Variants in ARPP21 observed in about 807,000 individuals in gnomAD.
The protein encoded by ARPP21 is cAMP regulated phosphoprotein 21.
ARPP21 carries 69 observed loss-of-function variants against 113.2 expected under a neutral mutation model. That is an observed-to-expected ratio of 0.61 (90% CI 0.50 to 0.74). ARPP21 has a LOEUF of 0.74. Ranked by LOEUF, ARPP21 falls within the 30% of genes least tolerant of loss-of-function variation. The pLI is 0.00. For synonymous variants in ARPP21, 368 were observed against 375.5 expected (o/e 0.98, Z 0.23); for missense variants, 1,070 against 1,037.4 (o/e 1.03, Z -0.43).
At chr3:35,662,597 G>C (rs2149172339) in intron 1 of ARPP21, among the ~76,000 whole-genome samples, 1 of 152,270 alleles carries the variant, frequency 6.6e-6, no homozygotes, top group Middle Eastern at 3.4e-3. Flanking sequence ...AGAAAGCTCT[G>C]CCACTGGAAT....
intron 13 of ARPP21, among the ~76,000 whole-genome samples, chr3:35,718,223 A>T (rs905749978): frequency 6.6e-6 from 1 of 152,180 alleles, no homozygotes; most frequent in Non-Finnish European, 1.5e-5. Context: ...TATGAGTAAA[A>T]TTAATTTGTT....
chr3:35,715,942 A>G (rs1422928155), intron 12 of ARPP21: 1 of 152,470 alleles, frequency 6.6e-6, no homozygotes, highest in Non-Finnish European at 1.5e-5. Context: ...TTTATTCTAA[A>G]CAATCTATTT....
chr3:35,685,012 A>T (rs982303252), intron 5 of ARPP21: 2 of 984,782 alleles, frequency 2.0e-6, no homozygotes, highest in Non-Finnish European at 2.4e-6. Context: ...GGCTTATATT[A>T]TTAAATGTTG....
At chr3:35,723,304 C>A (rs2093273697) in intron 14 of ARPP21, among the ~76,000 whole-genome samples, 1 of 152,150 alleles carries the variant, frequency 6.6e-6, no homozygotes. Flanking sequence ...AGGTTGTTGA[C>A]AAATTCCTTC....
chr3:35,677,205 A>T (rs1353781181), intron 1 of ARPP21, among the ~76,000 whole-genome samples: 3 of 151,958 alleles, frequency 2.0e-5, no homozygotes, highest in Non-Finnish European at 4.4e-5. Flanking sequence ...GAACTAAATT[A>T]TTGCCGAAAT....
Position 35,659,160 on chromosome 3 carries a change from A to G in ARPP21, c.-213+18762A>G, listed in dbSNP as rs1246435890. On this transcript the variant is annotated intron_variant, in intron 1 of 20. Coordinates refer to ENST00000684406, the MANE Select transcript of ARPP21 (RefSeq NM_001385562.1). ...TAGATATGAAAACACGATGTCATCTATTCTTGCAACATTTTTTACACAGAC... is the reference window on the plus strand; with the variant it reads ...TAGATATGAAAACACGATGTCATCTGTTCTTGCAACATTTTTTACACAGAC... Among the ~76,000 whole-genome samples the G allele has an allele frequency of 2.0e-5, 3 of 152,184 alleles. No homozygotes were observed. In the East Asian group the frequency reaches 5.8e-4, roughly 29 times the overall value.
At chr3:35,769,825 A>C (rs2096131583) in intron 19 of ARPP21, among the ~76,000 whole-genome samples, 1 of 152,220 alleles carries the variant, frequency 6.6e-6, no homozygotes, top group African/African-American at 2.4e-5. Context: ...GAAACAGAAA[A>C]GGCCATTTGA....
intron 1 of ARPP21, among the ~76,000 whole-genome samples, chr3:35,668,012 A>AAGG (rs1217960541): frequency 7.0e-6 from 1 of 143,732 alleles, no homozygotes; most frequent in Non-Finnish European, 1.5e-5. Flanking sequence ...GAAGAAGAAG[A>AAGG]AGAAGAAGAA....
chr3:35,684,320 T>C, intron 5 of ARPP21: 1 of 1,080,250 alleles, frequency 9.3e-7, no homozygotes. Context: ...GATTTCTCAA[T>C]ACTGCAAAAG....
chr3:35,694,946 TTATA>T (rs910697899), intron 9 of ARPP21, among the ~76,000 whole-genome samples: 1 of 147,458 alleles, frequency 6.8e-6, no homozygotes, highest in African/African-American at 2.5e-5. Context: ...ATATATATAT[TTATA>T]TAAATGTATA....
At chr3:35,749,607 T>C (rs1437193396) in intron 19 of ARPP21, among the ~76,000 whole-genome samples, 1 of 152,100 alleles carries the variant, frequency 6.6e-6, no homozygotes, top group East Asian at 1.9e-4. Flanking sequence ...ATAAAATTGG[T>C]ACTAAATCTT....
intron 1 of ARPP21, chr3:35,642,323 C>CT (rs1698370318): frequency 6.6e-6 from 1 of 152,010 alleles, no homozygotes; most frequent in African/African-American, 2.4e-5. Flanking sequence ...AATGAAGGAG[C>CT]GAGCGCCTCA....
At chr3:35,772,022 C>T (rs1441064712) in intron 19 of ARPP21, among the ~76,000 whole-genome samples, 3 of 152,044 alleles carry the variant, frequency 2.0e-5, no homozygotes, top group Non-Finnish European at 4.4e-5. Context: ...AACTTAATAT[C>T]AGATTTGGTT....
intron 5 of ARPP21, among the ~76,000 whole-genome samples, chr3:35,686,229 C>A (rs965139943): frequency 6.6e-6 from 1 of 151,600 alleles, no homozygotes; most frequent in African/African-American, 2.4e-5. Context: ...CCAGTGATTT[C>A]TTTAGCAAGT....
At chr3:35,749,031 A>G (rs1422470352) in intron 19 of ARPP21, among the ~76,000 whole-genome samples, 1 of 152,232 alleles carries the variant, frequency 6.6e-6, no homozygotes, top group Non-Finnish European at 1.5e-5. Flanking sequence ...CAACTTAAAC[A>G]TGGTTACTAG....
At chr3:35,685,345 G>C in intron 5 of ARPP21, 1 of 985,316 alleles carries the variant, frequency 1.0e-6, no homozygotes, top group Non-Finnish European at 1.2e-6. Flanking sequence ...GAGAGAATGA[G>C]AGCCTGCAAG....
chr3:35,792,341 CTTTCTGCACAACCAGTTCAAAAGATCTCT>C lies in ARPP21; in HGVS notation c.2138-35_2138-7del. On this transcript the variant is annotated splice_polypyrimidine_tract_variant and intron_variant, in intron 19 of 20. Transcript: ENST00000684406. ...TTACCCCATGAAACATCACTGTGTT[CTTTCTGCACAACCAGTTCAAAAGATCTCT>C]TTTCTTCGCAGGTTACCAGCCAGTC... The C allele has an allele frequency of 6.2e-7, 1 of 1,603,882 alleles. No individual in the cohort carries two copies. The highest frequency in any genetic ancestry group is 8.5e-7 in the Non-Finnish European group (1 of 1,171,942).
At chr3:35,688,949 T>C (rs1270003042) in intron 6 of ARPP21, among the ~76,000 whole-genome samples, 1 of 151,124 alleles carries the variant, frequency 6.6e-6, no homozygotes, top group East Asian at 2.0e-4. Flanking sequence ...TCTTGAGAGC[T>C]CTCTCTGTAG....
intron 14 of ARPP21, 108 bp from the exon 15 acceptor site, chr3:35,729,195 T>C: frequency 1.4e-6 from 1 of 727,560 alleles, no homozygotes; most frequent in Admixed American, 2.3e-5. Flanking sequence ...AGCATGCGTC[T>C]CAAATTCTTT....
Sources: allele counts gnomAD v4.1 joint callset (sites outside exome capture counted in the v4.1 genomes callset), GRCh38; gene constraint gnomAD v4.1.1; transcripts MANE v1.5; gene names NCBI Gene and HGNC (gene_info 2026-07-23, HGNC 2026-07-21).